The following SORCS1 variants were observed in gnomAD, a reference collection of about 807,000 sequenced individuals.
SORCS1 encodes the protein VPS10 domain-containing receptor SorCS1.
SORCS1 carries 60 observed loss-of-function variants against 146.1 expected under a neutral mutation model. The ratio of observed to expected loss-of-function variants is 0.41; its 90% CI spans 0.33 to 0.51. SORCS1 has a LOEUF of 0.51. Among genes scored for constraint, SORCS1 ranks in the 20% least tolerant of loss-of-function variants. The pLI, the probability that SORCS1 is intolerant of heterozygous loss-of-function variation, is 0.21. For synonymous variants in SORCS1, 637 were observed against 584.0 expected (o/e 1.09, Z -1.31); for missense variants, 1,352 against 1,487.6 (o/e 0.91, Z 1.50).
At chr10:106,577,810 T>C (rs902165676) in intron 25 of SORCS1, 3 of 456,558 alleles carry the variant, frequency 6.6e-6, no homozygotes, top group Non-Finnish European at 6.9e-6. Flanking sequence ...AAAGACTTTT[T>C]TCTTTTTAGC....
At chr10:106,704,181 G>T (rs1211178264) in intron 8 of SORCS1, among the ~76,000 whole-genome samples, 1 of 152,066 alleles carries the variant, frequency 6.6e-6, no homozygotes, top group Non-Finnish European at 1.5e-5. Context: ...ATGATTTCTG[G>T]GGCTCCTTAA....
chr10:107,168,164 T>C (rs574169170), upstream of SORCS1, among the ~76,000 whole-genome samples: 1 of 152,254 alleles, frequency 6.6e-6, no homozygotes, highest in Admixed American at 6.5e-5. Context: ...CCCAGTTTTT[T>C]CCAATTCGTG....
chr10:106,854,554 T>C (rs1209323906), intron 2 of SORCS1, among the ~76,000 whole-genome samples: 1 of 152,018 alleles, frequency 6.6e-6, no homozygotes, highest in Non-Finnish European at 1.5e-5. Flanking sequence ...TTTCTGTCTT[T>C]TGTGATTTTA....
intron 1 of SORCS1, among the ~76,000 whole-genome samples, chr10:107,070,861 T>C (rs987591005): frequency 9.9e-5 from 15 of 151,962 alleles, no homozygotes; most frequent in Non-Finnish European, 1.9e-4. Context: ...AATTCTCCTG[T>C]GAAGAGCTAT....
chr10:106,966,553 A>AC (rs1955504356), intron 1 of SORCS1, among the ~76,000 whole-genome samples: 2 of 152,160 alleles, frequency 1.3e-5, no homozygotes, highest in Admixed American at 1.3e-4. Context: ...GCCACTGCAT[A>AC]CCCCTTGAGG....
Position 106,577,102 on chromosome 10 carries a change from G to A in SORCS1, c.*318C>T, listed in dbSNP as rs748006087. The stretch of plus-strand genomic sequence containing the variant: ...AAAGCTAAAAACCCTTGTTGTCTGT[G>A]TCTGAAGAATTAAAAAGTCCCGATG... On this transcript the variant is annotated 3_prime_UTR_variant, in exon 26 of 26. Coordinates refer to ENST00000263054, the MANE Select transcript of SORCS1 (RefSeq NM_052918.5). 393 of 832,554 alleles carry A rather than the reference G, an allele frequency of 4.7e-4. No homozygotes were observed. The highest frequency in any genetic ancestry group is 6.4e-4 in the Non-Finnish European group (385 of 596,956). 51.6% of individuals were successfully genotyped at this position (832,554 alleles called of 1,614,324 possible).
At position 106,575,461 on chromosome 10, in the gene SORCS1, G is replaced by C. The variant is rs1036596352; in HGVS notation, c.*1959C>G. 1.3e-5 allele frequency: 2 copies of C among 152,224 alleles called. No homozygotes were observed. Among genetic ancestry groups the C allele is most frequent in the African/African-American group, 4.8e-5 (2 of 41,450 alleles). 9.4% of individuals were successfully genotyped at this position (152,224 alleles called of 1,614,324 possible). ...CAAAGAAGGAGGCTGAGCATACTAA[G>C]AGGTTTATCAGAACTTCTTTCTCCT... On this transcript the variant is annotated 3_prime_UTR_variant, in exon 26 of 26. Coordinates refer to ENST00000263054, the MANE Select transcript of SORCS1 (RefSeq NM_052918.5).
intron 18 of SORCS1, among the ~76,000 whole-genome samples, chr10:106,642,827 GT>G (rs939812818): frequency 2.6e-5 from 4 of 152,182 alleles, no homozygotes; most frequent in South Asian, 2.1e-4. Context: ...TTGCTGAAAT[GT>G]TTTTCCACAA....
chr10:106,652,953 A>G (rs1849989498), intron 17 of SORCS1, among the ~76,000 whole-genome samples: 1 of 152,208 alleles, frequency 6.6e-6, no homozygotes, highest in Non-Finnish European at 1.5e-5. Flanking sequence ...TAAATATCGC[A>G]AAGGAATTTA....
At chr10:106,973,286 C>G (rs565504775) in intron 1 of SORCS1, among the ~76,000 whole-genome samples, 1 of 152,240 alleles carries the variant, frequency 6.6e-6, no homozygotes, top group Non-Finnish European at 1.5e-5. Context: ...ACCTCTATTC[C>G]AAGTGGGAAC....
intron 5 of SORCS1, among the ~76,000 whole-genome samples, chr10:106,750,817 T>C (rs6584765): frequency 0.2 from 28,889 of 141,268 alleles, 3,433 homozygotes; most frequent in East Asian, 0.47. Flanking sequence ...CCCAGCACTT[T>C]GGGAGGCCGA....
intron 1 of SORCS1, among the ~76,000 whole-genome samples, chr10:107,054,459 A>G (rs1284703715): frequency 6.6e-6 from 1 of 152,206 alleles, no homozygotes; most frequent in East Asian, 1.9e-4. Context: ...GTCCAAGTAG[A>G]GAGATTCCCA....
chr10:107,156,011 G>A (rs935864358), intron 1 of SORCS1, among the ~76,000 whole-genome samples: 3 of 152,096 alleles, frequency 2.0e-5, no homozygotes, highest in African/African-American at 7.2e-5. Flanking sequence ...CACTTGTGGG[G>A]ATGGACACAG....
intron 4 of SORCS1, among the ~76,000 whole-genome samples, chr10:106,767,046 G>T (rs1859624100): frequency 6.6e-6 from 1 of 152,138 alleles, no homozygotes; most frequent in South Asian, 2.1e-4. Flanking sequence ...GTGGAAGCTG[G>T]GGCTACAAAG....
chr10:106,819,091 G>T (rs538926677), intron 3 of SORCS1, among the ~76,000 whole-genome samples: 31 of 152,266 alleles, frequency 2.0e-4, no homozygotes, highest in African/African-American at 7.5e-4. Flanking sequence ...ACAGCATAAG[G>T]CATGGCCATA....
At chr10:106,850,177 C>A (rs1304093976) in intron 2 of SORCS1, among the ~76,000 whole-genome samples, 1 of 151,790 alleles carries the variant, frequency 6.6e-6, no homozygotes, top group Admixed American at 6.6e-5. Flanking sequence ...GGGCGCCCCT[C>A]CCCCAGCCTC....
At chr10:106,677,458 G>T in intron 12 of SORCS1, 54 bp from the exon 13 acceptor site, 1 of 1,485,206 alleles carries the variant, frequency 6.7e-7, no homozygotes. Context: ...ACATACCCAG[G>T]CTTCAGAGAA....
intron 2 of SORCS1, among the ~76,000 whole-genome samples, chr10:106,857,786 T>C (rs914623430): frequency 1.3e-5 from 2 of 152,254 alleles, no homozygotes; most frequent in African/African-American, 4.8e-5. Context: ...ACATTTTAAA[T>C]ACAGTCACTG....
At chr10:106,893,040 G>A (rs889654275) in intron 2 of SORCS1, among the ~76,000 whole-genome samples, 2 of 150,792 alleles carry the variant, frequency 1.3e-5, no homozygotes, top group African/African-American at 4.9e-5. Flanking sequence ...GGTTACATGT[G>A]CCCGCCACCA....
Sources: allele counts gnomAD v4.1 joint callset (sites outside exome capture counted in the v4.1 genomes callset), GRCh38; gene constraint gnomAD v4.1.1; transcripts MANE v1.5; gene names NCBI Gene and HGNC (gene_info 2026-07-23, HGNC 2026-07-21).